Variants in TSC22D1 observed in about 807,000 individuals in gnomAD.
TSC22D1 encodes TSC22 domain family member 1, also known as TSC22 domain family protein 1.
Under a neutral mutation model 74.2 loss-of-function variants are expected in TSC22D1, and 9 were observed. That is an observed-to-expected ratio of 0.12 (90% CI 0.07 to 0.21). The LOEUF (loss-of-function observed/expected upper bound fraction) is 0.21, where lower values mean the gene tolerates loss of function less well. Ranked by LOEUF, TSC22D1 falls within the 10% of genes least tolerant of loss-of-function variation. The pLI is 1.00. For synonymous variants in TSC22D1, 586 were observed against 492.5 expected (o/e 1.19, Z -2.51); for missense variants, 1,427 against 1,304.7 (o/e 1.09, Z -1.44).
chr13:44,505,700 A>C (rs894758850), intron 1 of TSC22D1, among the ~76,000 whole-genome samples: 16 of 152,328 alleles, frequency 1.1e-4, no homozygotes, highest in African/African-American at 3.8e-4. Context: ...ACCAAAAATC[A>C]TTGTTATTGA....
chr13:44,562,381 T>C (rs1451828894), intron 1 of TSC22D1, among the ~76,000 whole-genome samples: 2 of 152,022 alleles, frequency 1.3e-5, no homozygotes, highest in Non-Finnish European at 1.5e-5. Flanking sequence ...TACAAACATG[T>C]ATATATCCTT....
intron 1 of TSC22D1, among the ~76,000 whole-genome samples, chr13:44,469,996 A>G (rs1877509316): frequency 2.0e-5 from 3 of 152,170 alleles, no homozygotes; most frequent in South Asian, 4.1e-4. Flanking sequence ...TGCAAAATCC[A>G]TATGAGTAAG....
At chr13:44,474,538 A>T (rs938684480) in intron 1 of TSC22D1, among the ~76,000 whole-genome samples, 2 of 152,088 alleles carry the variant, frequency 1.3e-5, no homozygotes, top group East Asian at 3.9e-4. Context: ...ATAACATAAG[A>T]CCTCTACAGA....
chr13:44,488,616 G>A (rs1453674882), intron 1 of TSC22D1, among the ~76,000 whole-genome samples: 1 of 152,062 alleles, frequency 6.6e-6, no homozygotes, highest in Non-Finnish European at 1.5e-5. Flanking sequence ...AGATGCTATG[G>A]TTATCTACAC....
rs554170014 is a variant in TSC22D1, at chr13:44,444,682, A to G, written c.2913-8587T>C. Among the ~76,000 whole-genome samples, 28 of 152,260 alleles carry G rather than the reference A, an allele frequency of 1.8e-4. No individual in the cohort carries two copies. In the East Asian group the frequency reaches 2.1e-3, roughly 12 times the overall value. On this transcript the variant is annotated intron_variant, in intron 1 of 2. Transcript: ENST00000458659. ...GAGATTATCTGAAAAATACTTGGGG[A>G]AAAAATACACACGTCTAAGTAACCC...
At chr13:44,454,368 T>C (rs989208758) in intron 1 of TSC22D1, among the ~76,000 whole-genome samples, 2 of 152,188 alleles carry the variant, frequency 1.3e-5, no homozygotes, top group African/African-American at 4.8e-5. Flanking sequence ...ATTTACATTA[T>C]GTAAACATAT....
intron 1 of TSC22D1, among the ~76,000 whole-genome samples, chr13:44,534,207 C>CA (rs1283064715): frequency 7.1e-6 from 1 of 140,640 alleles, no homozygotes; most frequent in Non-Finnish European, 1.5e-5. Context: ...GCCTGAGCGA[C>CA]AGAGTAAGAC....
intron 1 of TSC22D1, among the ~76,000 whole-genome samples, chr13:44,553,132 T>C (rs190337122): frequency 5.0e-4 from 76 of 152,296 alleles, no homozygotes; most frequent in African/African-American, 1.7e-3. Context: ...TTCTCATATA[T>C]AAAATGAAGC....
chr13:44,436,344 G>A, intron 1 of TSC22D1: 2 of 1,077,018 alleles, frequency 1.9e-6, no homozygotes, highest in Middle Eastern at 3.1e-4. Context: ...TCTCTGGCCA[G>A]ACTTGCAAAA....
intron 1 of TSC22D1, among the ~76,000 whole-genome samples, chr13:44,530,356 C>T (rs562685777): frequency 6.6e-6 from 1 of 152,062 alleles, no homozygotes; most frequent in East Asian, 1.9e-4. Flanking sequence ...CCTCATCCCC[C>T]CAAAAATCAA....
intron 1 of TSC22D1, among the ~76,000 whole-genome samples, chr13:44,528,452 C>T (rs950827329): frequency 4.6e-5 from 7 of 151,976 alleles, no homozygotes; most frequent in East Asian, 1.9e-4. Context: ...AATATAACAT[C>T]GGTCAAAGAA....
At chr13:44,527,712 T>C (rs1380401934) in intron 1 of TSC22D1, among the ~76,000 whole-genome samples, 1 of 152,092 alleles carries the variant, frequency 6.6e-6, no homozygotes, top group East Asian at 1.9e-4. Context: ...ATTTTAAATG[T>C]GAACAGCTTA....
intron 1 of TSC22D1, among the ~76,000 whole-genome samples, chr13:44,512,281 T>C (rs1420832027): frequency 6.6e-6 from 1 of 152,166 alleles, no homozygotes; most frequent in African/African-American, 2.4e-5. Flanking sequence ...GCCATTCTCC[T>C]GCCTCAGCCT....
chr13:44,555,512 G>A (rs971069272), intron 1 of TSC22D1, among the ~76,000 whole-genome samples: 8 of 151,992 alleles, frequency 5.3e-5, no homozygotes, highest in Non-Finnish European at 1.0e-4. Flanking sequence ...AGGCTGAGGC[G>A]GGAGAACCAC....
At chr13:44,490,400 T>C (rs1878645322) in intron 1 of TSC22D1, among the ~76,000 whole-genome samples, 2 of 151,534 alleles carry the variant, frequency 1.3e-5, no homozygotes, top group Non-Finnish European at 2.9e-5. Flanking sequence ...TACATACCCA[T>C]TACTTTGTAA....
At chr13:44,494,573 T>G (rs545557990) in intron 1 of TSC22D1, among the ~76,000 whole-genome samples, 5 of 150,348 alleles carry the variant, frequency 3.3e-5, no homozygotes, top group Non-Finnish European at 5.9e-5. Flanking sequence ...AAATAAAAAA[T>G]AAAAAGAAAG....
At chr13:44,484,796 C>A (rs1389937821) in intron 1 of TSC22D1, among the ~76,000 whole-genome samples, 1 of 152,136 alleles carries the variant, frequency 6.6e-6, no homozygotes, top group Non-Finnish European at 1.5e-5. Context: ...GGTGGGTATC[C>A]CTTCTGCTTA....
At chr13:44,468,093 C>T (rs1178565084) in intron 1 of TSC22D1, among the ~76,000 whole-genome samples, 2 of 151,924 alleles carry the variant, frequency 1.3e-5, no homozygotes, top group Non-Finnish European at 2.9e-5. Context: ...GAACTGGAGG[C>T]CATCATTCAA....
intron 1 of TSC22D1, among the ~76,000 whole-genome samples, chr13:44,526,988 G>C (rs963502902): frequency 6.6e-6 from 1 of 152,090 alleles, no homozygotes; most frequent in Non-Finnish European, 1.5e-5. Flanking sequence ...ACAAGGATAA[G>C]AATTACATCA....
Sources: allele counts gnomAD v4.1 joint callset (sites outside exome capture counted in the v4.1 genomes callset), GRCh38; gene constraint gnomAD v4.1.1; transcripts MANE v1.5; gene names NCBI Gene and HGNC (gene_info 2026-07-23, HGNC 2026-07-21).